CCDC141: variants seen among roughly 807,000 people sequenced by gnomAD.
The protein encoded by CCDC141 is coiled-coil domain-containing protein 141.
In CCDC141, 168 loss-of-function variants were observed where a neutral mutation model predicts 181.0. The ratio of observed to expected loss-of-function variants is 0.93; its 90% CI spans 0.82 to 1.05. The LOEUF (loss-of-function observed/expected upper bound fraction) is 1.05, where lower values mean the gene tolerates loss of function less well. CCDC141 is among the 50% of genes least tolerant of loss of function. The pLI is 0.00. For synonymous variants in CCDC141, 666 were observed against 642.3 expected, an observed-to-expected ratio of 1.04 and a Z score of -0.56; for missense variants, 1,902 against 1,788.5, an observed-to-expected ratio of 1.06 and a Z score of -1.14.
rs1684200173 is a variant in CCDC141 at position 178,830,240 on chromosome 2, C to A, written c.*3933G>T. The A allele has an allele frequency of 6.6e-6, 1 of 152,184 alleles. No individual in the cohort carries two copies. Among genetic ancestry groups the A allele is most frequent in the Admixed American group, 6.5e-5 (1 of 15,280 alleles). The allele number at this position is 152,184 out of a possible 1,614,324, so 9.4% of individuals were successfully genotyped here. A position where few individuals can be genotyped will look rare whatever the true frequency, so the allele number is the denominator to read the frequency against. Reference sequence around the variant, plus strand: ...TGGAACAATATTGATCCAGGAACAACAATCCTGGACCTTTCCTCTTTCCTC... The same window carrying A: ...TGGAACAATATTGATCCAGGAACAAAAATCCTGGACCTTTCCTCTTTCCTC... On this transcript the variant is annotated 3_prime_UTR_variant, in exon 24 of 24. Transcript: ENST00000443758.
chr2:179,021,657 G>C (rs1473693921), intron 2 of CCDC141, among the ~76,000 whole-genome samples: 1 of 152,138 alleles, frequency 6.6e-6, no homozygotes, highest in Non-Finnish European at 1.5e-5. Flanking sequence ...AACAGAAAGA[G>C]ACAAAATTAT....
chr2:178,925,584 T>C (rs1688878590), intron 6 of CCDC141, among the ~76,000 whole-genome samples: 1 of 152,234 alleles, frequency 6.6e-6, no homozygotes, highest in South Asian at 2.1e-4. Context: ...GGGAAAATAT[T>C]CCCAAGATTT....
chr2:179,018,288 A>G (rs1292333850), intron 2 of CCDC141, among the ~76,000 whole-genome samples: 1 of 152,146 alleles, frequency 6.6e-6, no homozygotes, highest in Non-Finnish European at 1.5e-5. Context: ...CATATCCTGC[A>G]TGTTTTCCTG....
chr2:178,853,637 G>A lies in CCDC141; in HGVS notation c.3061-13C>T, dbSNP rs758513566. ...ACCAAAAATGACACTAAATTTAAAT[G>A]GGATAAAGCACAGATGAAAGAAATA... On this transcript the variant is annotated splice_polypyrimidine_tract_variant and intron_variant, in intron 19 of 23. Coordinates refer to ENST00000443758, the MANE Select transcript of CCDC141 (RefSeq NM_173648.4). 6.9e-6 allele frequency: 11 copies of A among 1,604,974 alleles called. No individual in the cohort carries two copies. The South Asian group carries it at 1.1e-4, about 16-fold the overall frequency.
chr2:178,844,633 C>T (rs1173924760), intron 22 of CCDC141, among the ~76,000 whole-genome samples: 1 of 152,158 alleles, frequency 6.6e-6, no homozygotes, highest in African/African-American at 2.4e-5. Flanking sequence ...GGTTGTATAA[C>T]TGCACCAGGC....
intron 2 of CCDC141, among the ~76,000 whole-genome samples, chr2:178,981,143 C>A (rs1220346286): frequency 6.6e-6 from 1 of 152,124 alleles, no homozygotes; most frequent in Admixed American, 6.5e-5. Context: ...GATAAATATA[C>A]TATAATAGAG....
chr2:178,846,561 G>C (rs556279307), intron 21 of CCDC141, among the ~76,000 whole-genome samples: 1 of 152,218 alleles, frequency 6.6e-6, no homozygotes, highest in Non-Finnish European at 1.5e-5. Context: ...GGGAGATTCT[G>C]CTTTCAGTCC....
the CCDC141 span, among the ~76,000 whole-genome samples, chr2:178,822,244 C>A: frequency 4.0e-5 from 6 of 151,452 alleles, no homozygotes; most frequent in Non-Finnish European, 8.8e-5. Flanking sequence ...ACATCACACA[C>A]CGGGGCCTGT....
chr2:179,018,043 C>T (rs968918170), intron 2 of CCDC141, among the ~76,000 whole-genome samples: 23 of 152,242 alleles, frequency 1.5e-4, no homozygotes, highest in African/African-American at 5.3e-4. Context: ...GACACTACTT[C>T]CCTTTTGCTT....
chr2:178,942,255 T>C (rs190478204), intron 6 of CCDC141, among the ~76,000 whole-genome samples: 1 of 152,200 alleles, frequency 6.6e-6, no homozygotes. Flanking sequence ...GCTAATCGTT[T>C]AAATGTTTTG....
intron 2 of CCDC141, among the ~76,000 whole-genome samples, chr2:179,015,851 CAT>C (rs1311606643): frequency 1.5e-5 from 2 of 134,374 alleles, no homozygotes; most frequent in East Asian, 2.2e-4. Flanking sequence ...TCATATATCT[CAT>C]ATATATCTCA....
intron 8 of CCDC141, among the ~76,000 whole-genome samples, chr2:178,897,844 T>TCA (rs2154371988): frequency 1.3e-5 from 2 of 152,302 alleles, no homozygotes; most frequent in Admixed American, 1.3e-4. Context: ...AACTTTACCC[T>TCA]CACACAAGGT....
intron 19 of CCDC141, 43 bp from the exon 20 acceptor site, chr2:178,853,667 C>T: frequency 6.6e-7 from 1 of 1,520,726 alleles, no homozygotes; most frequent in Non-Finnish European, 8.9e-7. Context: ...GAAATACCAT[C>T]CTTCTAAAGT....
rs10192958 is a variant in CCDC141 at position 178,916,951 on chromosome 2, A to T, written c.1092+1762T>A. On this transcript the variant is annotated intron_variant, in intron 7 of 23. Transcript: ENST00000443758. Reference sequence around the variant, plus strand: ...TCTTCTTCTTCTTCTTTTTTTTTTTAAAAAAAAGGCTTTTGCAGGAGATAT... The same window carrying T: ...TCTTCTTCTTCTTCTTTTTTTTTTTTAAAAAAAGGCTTTTGCAGGAGATAT... Among the ~76,000 whole-genome samples the T allele has an allele frequency of 4.7e-3, 702 of 147,928 alleles. 3 individuals carry two copies. The highest frequency in any genetic ancestry group is 0.015 in the African/African-American group (584 of 38,454).
rs375249342 is a variant in CCDC141, at chr2:178,834,322, G to C, written c.4444C>G (p.Arg1482Gly). The C allele has an allele frequency of 2.3e-5, 35 of 1,535,860 alleles. No homozygotes were observed. The highest frequency in any genetic ancestry group is 2.8e-5 in the Non-Finnish European group (32 of 1,146,852). ...AGAGCGCCGCTAGAGTTTTGGGCCC[G>C]AGCCACATAGAGGCCTGCGTCTGCC... ...CKADAGLYVA[R>G]AQNSSGALSS... is the part of the protein sequence containing the mutation. Residue 1482 changes from arginine to glycine, a missense_variant, in exon 24 of 24, where the codon CGG becomes GGG. By Grantham distance (125) the Arg-to-Gly change is moderately radical. Coordinates refer to ENST00000443758, the MANE Select transcript of CCDC141 (RefSeq NM_173648.4).
At chr2:178,864,457 G>A (rs1339171939) in intron 17 of CCDC141, among the ~76,000 whole-genome samples, 3 of 152,146 alleles carry the variant, frequency 2.0e-5, no homozygotes, top group Admixed American at 6.5e-5. Context: ...TTACACTACC[G>A]GTTCAACCCC....
intron 2 of CCDC141, among the ~76,000 whole-genome samples, chr2:178,992,606 T>C (rs909050852): frequency 5.3e-5 from 8 of 152,168 alleles, no homozygotes; most frequent in Admixed American, 1.3e-4. Context: ...GTTAGACTAA[T>C]AAACTGTGAA....
At chr2:178,875,908 C>G (rs888025546) in intron 12 of CCDC141, 5 of 152,046 alleles carry the variant, frequency 3.3e-5, no homozygotes, top group African/African-American at 1.2e-4. Flanking sequence ...GAGAGAGAGA[C>G]AGAGATAGAT....
chr2:179,048,095 G>A (rs190064362), intron 1 of CCDC141, among the ~76,000 whole-genome samples: 2 of 152,176 alleles, frequency 1.3e-5, no homozygotes, highest in Admixed American at 6.5e-5. Context: ...GATATAATTT[G>A]TCATTGCATT....
Sources: allele counts gnomAD v4.1 joint callset (sites outside exome capture counted in the v4.1 genomes callset), GRCh38; gene constraint gnomAD v4.1.1; transcripts MANE v1.5; gene names NCBI Gene and HGNC (gene_info 2026-07-23, HGNC 2026-07-21).